The following HTR7 variants were observed in gnomAD, a reference collection of about 807,000 sequenced individuals.
The protein encoded by HTR7 is 5-HT-7.
Under a neutral mutation model 34.0 loss-of-function variants are expected in HTR7, and 16 were observed. The observed-to-expected ratio is 0.47, with a 90% CI of 0.32 to 0.71. The LOEUF (loss-of-function observed/expected upper bound fraction) is 0.71, where lower values mean the gene tolerates loss of function less well. Ranked by LOEUF, HTR7 falls within the 30% of genes least tolerant of loss-of-function variation. HTR7 has a pLI of 0.04. For missense variants in HTR7, 504 were observed against 625.5 expected, an observed-to-expected ratio of 0.81 and a Z score of 2.07; for synonymous variants, 265 against 260.2, an observed-to-expected ratio of 1.02 and a Z score of -0.18.
chr10:90,828,784 C>T (rs886095823), intron 1 of HTR7, among the ~76,000 whole-genome samples: 1 of 152,032 alleles, frequency 6.6e-6, no homozygotes, highest in African/African-American at 2.4e-5. Flanking sequence ...ATCAATCCTA[C>T]TAAAACTATT....
chr10:90,830,129 T>C (rs1846142386), intron 1 of HTR7, among the ~76,000 whole-genome samples: 1 of 152,224 alleles, frequency 6.6e-6, no homozygotes, highest in African/African-American at 2.4e-5. Flanking sequence ...TGTGCCAGTA[T>C]ACCCACCAAT....
At chr10:90,761,871 G>A (rs890806528) in intron 1 of HTR7, among the ~76,000 whole-genome samples, 2 of 152,086 alleles carry the variant, frequency 1.3e-5, no homozygotes, top group African/African-American at 2.4e-5. Flanking sequence ...ACAAACAAAT[G>A]AGATTATGCA....
At chr10:90,779,144 C>A (rs964367386) in intron 1 of HTR7, among the ~76,000 whole-genome samples, 6 of 152,090 alleles carry the variant, frequency 3.9e-5, no homozygotes, top group African/African-American at 1.4e-4. Flanking sequence ...CCTTGCACAG[C>A]CCCCAGGAGC....
intron 1 of HTR7, among the ~76,000 whole-genome samples, chr10:90,832,231 C>T (rs1846190156): frequency 6.6e-6 from 1 of 152,176 alleles, no homozygotes; most frequent in African/African-American, 2.4e-5. Context: ...CAGGGGGTGG[C>T]ACTCGTCGGA....
intron 1 of HTR7, among the ~76,000 whole-genome samples, chr10:90,780,504 T>C (rs1269479934): frequency 6.9e-6 from 1 of 144,852 alleles, no homozygotes; most frequent in Admixed American, 7.0e-5. Flanking sequence ...GGCACTGCAC[T>C]CTAGCCTGGG....
intron 1 of HTR7, among the ~76,000 whole-genome samples, chr10:90,818,868 T>TA (rs1399162112): frequency 2.6e-5 from 4 of 152,218 alleles, no homozygotes; most frequent in African/African-American, 9.7e-5. Flanking sequence ...GTTCTCATGA[T>TA]AGTCAGTGAA....
At chr10:90,829,735 C>A (rs534834374) in intron 1 of HTR7, among the ~76,000 whole-genome samples, 5 of 152,066 alleles carry the variant, frequency 3.3e-5, no homozygotes, top group African/African-American at 9.7e-5. Flanking sequence ...AAACTCCACA[C>A]GCAAAACAAA....
chr10:90,802,251 C>T (rs1845639176), intron 1 of HTR7, among the ~76,000 whole-genome samples: 1 of 152,186 alleles, frequency 6.6e-6, no homozygotes, highest in Non-Finnish European at 1.5e-5. Context: ...CAGGGTCAGG[C>T]CAGCCAGCCA....
chr10:90,742,377 C>A lies in HTR7; in HGVS notation c.*105G>T. On this transcript the variant is annotated 3_prime_UTR_variant, in exon 4 of 4. Transcript: ENST00000336152. ...CCTGTTTGTCATGTTTTAGACATCC[C>A]AAGAAAGGACAGAAGCTGCATTCCA... The A allele has an allele frequency of 2.4e-6, 2 of 834,776 alleles. No homozygotes were observed. The highest frequency in any genetic ancestry group is 2.5e-5 in the East Asian group (1 of 40,486). 51.7% of individuals were successfully genotyped at this position (834,776 alleles called of 1,614,324 possible).
intron 1 of HTR7, among the ~76,000 whole-genome samples, chr10:90,848,484 G>A (rs1199713545): frequency 6.6e-6 from 1 of 152,050 alleles, no homozygotes; most frequent in Non-Finnish European, 1.5e-5. Flanking sequence ...AATCACATAT[G>A]TATATACTTT....
intron 1 of HTR7, among the ~76,000 whole-genome samples, chr10:90,778,613 A>G (rs1235612652): frequency 6.6e-6 from 1 of 152,228 alleles, no homozygotes; most frequent in Non-Finnish European, 1.5e-5. Flanking sequence ...TAAAACAGAG[A>G]CTGTACTAAA....
chr10:90,818,488 G>A (rs1262229509), intron 1 of HTR7, among the ~76,000 whole-genome samples: 1 of 152,088 alleles, frequency 6.6e-6, no homozygotes, highest in Non-Finnish European at 1.5e-5. Flanking sequence ...GGAGGTTGCA[G>A]TGAGCCGAGA....
At chr10:90,820,693 AAGGCAACAC>A (rs1845965481) in intron 1 of HTR7, among the ~76,000 whole-genome samples, 1 of 152,180 alleles carries the variant, frequency 6.6e-6, no homozygotes. Context: ...CACTACAGTA[AAGGCAACAC>A]AGATGTTCCT....
intron 1 of HTR7, among the ~76,000 whole-genome samples, chr10:90,804,296 T>C (rs377443597): frequency 3.3e-5 from 5 of 152,300 alleles, no homozygotes; most frequent in African/African-American, 1.2e-4. Flanking sequence ...TGATTCTTCC[T>C]GGACACCAGA....
chr10:90,835,752 G>C (rs1175075451), intron 1 of HTR7, among the ~76,000 whole-genome samples: 1 of 152,194 alleles, frequency 6.6e-6, no homozygotes, highest in Non-Finnish European at 1.5e-5. Flanking sequence ...TGAGAGTAGA[G>C]AAGGAAGCTC....
rs1458099264 is a variant in HTR7 at position 90,749,982 on chromosome 10, A to G, written c.540-388T>C. Among the ~76,000 whole-genome samples the G allele has an allele frequency of 1.3e-5, 2 of 152,164 alleles. No homozygotes were observed. The highest frequency in any genetic ancestry group is 2.9e-5 in the Non-Finnish European group (2 of 68,034). ...TGTTGTGACACATTCTCAAAACTTA[A>G]CCAAGGTCTACCACACTCTGGTATT... On this transcript the variant is annotated intron_variant, in intron 1 of 3. Coordinates refer to ENST00000336152, the MANE Select transcript of HTR7 (RefSeq NM_019859.4). The surrounding 1 kb of genome is among the most constrained non-coding windows in gnomAD (Gnocchi z 4.2).
chr10:90,756,392 A>G (rs1364820896), intron 1 of HTR7, among the ~76,000 whole-genome samples: 1 of 152,248 alleles, frequency 6.6e-6, no homozygotes, highest in African/African-American at 2.4e-5. Flanking sequence ...TTAACAATAC[A>G]CTGAACTTAT....
At position 90,749,551 on chromosome 10, in the gene HTR7, T is replaced by C; in HGVS notation, c.583A>G (p.Asn195Asp). 6.2e-7 allele frequency: 1 copy of C among 1,613,970 alleles called. No homozygotes were observed. Residue 195 changes from asparagine to aspartate, a missense_variant, in exon 2 of 4, where the codon AAT (asparagine) becomes GAT (aspartate). Physicochemically the swap from Asn to Asp is conservative, Grantham distance 23. This residue lies in a region of HTR7 where 154 missense variants were observed against 248.8 expected (regional missense o/e 0.62). Coordinates refer to ENST00000336152, the MANE Select transcript of HTR7 (RefSeq NM_019859.4). This position sits in a 1 kb window ranked among gnomAD's most constrained non-coding sequence, Gnocchi z 4.2. ...TRPLTYPVRQNGKCMAKMILS... is the reference protein window; with the variant it reads ...TRPLTYPVRQDGKCMAKMILS... ...ATCATCTTCGCCATGCATTTCCCAT[T>C]CTGCCTCACAGGGTATGTGAGGGGC...
In HTR7 at chr10:90,752,815, C is replaced by T. The variant is rs529232155; in HGVS notation, c.540-3221G>A. ...GCAATTGAGGTAAAAGTATTACTGGCTTCTTATCGTTTGATTAAATATAAA... is the reference window on the plus strand; with the variant it reads ...GCAATTGAGGTAAAAGTATTACTGGTTTCTTATCGTTTGATTAAATATAAA... On this transcript the variant is annotated intron_variant, in intron 1 of 3. Coordinates refer to ENST00000336152, the MANE Select transcript of HTR7 (RefSeq NM_019859.4). 2.6e-5 allele frequency among the ~76,000 whole-genome samples: 4 copies of T among 152,240 alleles called. No individual in the cohort carries two copies. In the East Asian group the frequency reaches 7.7e-4, roughly 29 times the overall value.
Sources: allele counts gnomAD v4.1 joint callset (sites outside exome capture counted in the v4.1 genomes callset), GRCh38; gene constraint gnomAD v4.1.1; regional missense constraint gnomAD v4.1.1; non-coding constraint Gnocchi (gnomAD v3.1); transcripts MANE v1.5; gene names NCBI Gene and HGNC (gene_info 2026-07-23, HGNC 2026-07-21).